Variants in EPS8L1 observed in about 807,000 individuals in gnomAD.
The protein encoded by EPS8L1 is epidermal growth factor receptor kinase substrate 8-like protein 1.
EPS8L1 carries 101 observed loss-of-function variants against 91.7 expected under a neutral mutation model. The ratio of observed to expected loss-of-function variants is 1.10; its 90% CI spans 0.94 to 1.30. The LOEUF is 1.30. Among genes scored for constraint, EPS8L1 ranks in the 50% most tolerant of loss-of-function variants. The pLI is 0.00. For missense variants in EPS8L1, 1,114 were observed against 1,017.0 expected, an observed-to-expected ratio of 1.10 and a Z score of -1.30; for synonymous variants, 506 against 445.3, an observed-to-expected ratio of 1.14 and a Z score of -1.72.
intron 4 of EPS8L1, 84 bp downstream of exon 4, chr19:55,079,141 C>A: frequency 7.1e-7 from 1 of 1,409,102 alleles, no homozygotes; most frequent in Non-Finnish European, 1.0e-6. Flanking sequence ...AGCAGCTAGG[C>A]CCCCAAGCAG....
intron 2 of EPS8L1, among the ~76,000 whole-genome samples, chr19:55,076,925 C>A (rs1197502287): frequency 6.6e-6 from 1 of 152,292 alleles, no homozygotes; most frequent in East Asian, 1.9e-4. Flanking sequence ...AGACTCAAGT[C>A]CCCCAGAGTA....
intron 6 of EPS8L1, 56 bp downstream of exon 6, chr19:55,080,334 C>T (rs2076227929): frequency 7.2e-7 from 1 of 1,385,850 alleles, no homozygotes; most frequent in East Asian, 3.3e-5. Context: ...AGCCTGGAGC[C>T]GGGGCGGAAA....
In EPS8L1 at chr19:55,083,783, T is replaced by C. The variant is rs1568794422; in HGVS notation, c.1385+139T>C. ...TCTTCTCAGGTGGGTGAGATGGTGA[T>C]GGGGCGGGCCGGGGCTGGGAGAGAG... On this transcript the variant is annotated intron_variant, in intron 14 of 19. Transcript: ENST00000201647. This position sits in a 1 kb window ranked among gnomAD's most constrained non-coding sequence, Gnocchi z 4.7. 3.9e-6 allele frequency: 1 copy of C among 254,334 alleles called. No homozygotes were observed. The highest frequency in any genetic ancestry group is 6.0e-6 in the Non-Finnish European group (1 of 167,478). The allele number at this position is 254,334 out of a possible 1,614,324, so 15.8% of individuals were successfully genotyped here. A position where few individuals can be genotyped will look rare whatever the true frequency, so the allele number is the denominator to read the frequency against.
intron 5 of EPS8L1, 126 bp downstream of exon 5, chr19:55,079,977 G>T: frequency 6.9e-7 from 1 of 1,444,874 alleles, no homozygotes; most frequent in South Asian, 1.4e-5. Flanking sequence ...CCCCCTTCTT[G>T]AGCCTTAATA....
chr19:55,085,504 A>G (rs767141657), intron 14 of EPS8L1, among the ~76,000 whole-genome samples: 11 of 152,116 alleles, frequency 7.2e-5, no homozygotes, highest in Non-Finnish European at 1.2e-4. Flanking sequence ...TATGATATAT[A>G]AAGCCCAGTG....
intron 17 of EPS8L1, 78 bp from the exon 18 acceptor site, chr19:55,086,636 C>CCCCCCCCCCCCCCCCCCGG: frequency 5.2e-6 from 5 of 956,942 alleles, no homozygotes; most frequent in Non-Finnish European, 7.1e-6. Context: ...CGCTGGAGCG[C>CCCCCCCCCCCCCCCCCCGG]CCCCCCGCCC....
chr19:55,086,801 G>A lies in EPS8L1; in HGVS notation c.1865G>A (p.Gly622Glu), dbSNP rs2076357394. The change falls in exon 18 of 20, where the codon GGG becomes GAG. Residue 622 changes from glycine to glutamate, a missense_variant. Coordinates refer to ENST00000201647, the MANE Select transcript of EPS8L1 (RefSeq NM_133180.3). The stretch of plus-strand genomic sequence containing the variant: ...TCGGGACCGAGCCGCGCAGTCCCAG[G>A]GCCCCGCGCCCCGGAACCGCAGCTC... ...GRSGPSRAVP[G>E]PRAPEPQLSP... 3 of 1,598,792 alleles carry A rather than the reference G, an allele frequency of 1.9e-6. No individual in the cohort carries two copies. Among genetic ancestry groups the A allele is most frequent in the Non-Finnish European group, 2.6e-6 (3 of 1,173,704 alleles).
chr19:55,087,076 G>C (rs1231568815), intron 18 of EPS8L1, 188 bp downstream of exon 18: 5 of 1,049,994 alleles, frequency 4.8e-6, no homozygotes, highest in Non-Finnish European at 6.6e-6. Context: ...TTCAGACTCC[G>C]ACTGGATTCC....
intron 2 of EPS8L1, among the ~76,000 whole-genome samples, chr19:55,077,001 C>T (rs1318000577): frequency 1.3e-5 from 2 of 152,026 alleles, no homozygotes; most frequent in Non-Finnish European, 2.9e-5. Context: ...GCTCTCTGGC[C>T]CAGAGGTAAT....
chr19:55,076,374 C>G (rs565103533), intron 1 of EPS8L1, 34 bp from the exon 2 acceptor site: 1 of 1,589,348 alleles, frequency 6.3e-7, no homozygotes. Flanking sequence ...GAGGCTCCTA[C>G]TGGCCAGGCC....
chr19:55,083,879 T>G lies in EPS8L1; in HGVS notation c.1385+235T>G. 36 of 663,490 alleles carry G rather than the reference T, an allele frequency of 5.4e-5. No homozygotes were observed. Among genetic ancestry groups the G allele is most frequent in the East Asian group, 1.4e-4 (5 of 36,454 alleles). The allele number at this position is 663,490 out of a possible 1,614,324, so 41.1% of individuals were successfully genotyped here. On this transcript the variant is annotated intron_variant, in intron 14 of 19. Transcript: ENST00000201647. This position sits in a 1 kb window ranked among gnomAD's most constrained non-coding sequence, Gnocchi z 4.7. ...AGGGAGTTGGGAATGGAGACCCGGA[T>G]TCCTGGGCCTAAGGGAGGAAGGGGG...
In EPS8L1 at chr19:55,087,289, C is replaced by T; in HGVS notation, c.1953-14C>T. 6.3e-7 allele frequency: 1 copy of T among 1,591,778 alleles called. No individual in the cohort carries two copies. ...GCCGACCGGCCTGACCGCGCCCGGG[C>T]TGCCCTCGCTCAGGACCGTGGACGC... On this transcript the variant is annotated splice_polypyrimidine_tract_variant and intron_variant, in intron 18 of 19. Coordinates refer to ENST00000201647, the MANE Select transcript of EPS8L1 (RefSeq NM_133180.3).
intron 4 of EPS8L1, among the ~76,000 whole-genome samples, chr19:55,079,427 A>T (rs2076206076): frequency 6.6e-6 from 1 of 152,150 alleles, no homozygotes; most frequent in Non-Finnish European, 1.5e-5. Context: ...GGCATTTAGA[A>T]GGAGAGAGCT....
At chr19:55,080,532 C>T in intron 6 of EPS8L1, 8 of 1,613,014 alleles carry the variant, frequency 5.0e-6, no homozygotes, top group Non-Finnish European at 6.8e-6. Flanking sequence ...GGGGGAGCAG[C>T]CAGGACGAGG....
In EPS8L1 at chr19:55,086,208, C is replaced by T. The variant is rs2076350772; in HGVS notation, c.1650+16C>T. The T allele has an allele frequency of 6.3e-7, 1 of 1,592,244 alleles. No homozygotes were observed. Among genetic ancestry groups the T allele is most frequent in the Non-Finnish European group, 8.6e-7 (1 of 1,168,644 alleles). ...CCGCAGCCTGGTGAGCCAGCGCAGA[C>T]GCTGGGATCTTGAGGGTGGAGAGGC... is the stretch of plus-strand genomic sequence containing the variant. On this transcript the variant is annotated intron_variant, in intron 16 of 19. Transcript: ENST00000201647.
At chr19:55,087,249 C>T (rs2076362405) in intron 18 of EPS8L1, 54 bp from the exon 19 acceptor site, 4 of 1,540,380 alleles carry the variant, frequency 2.6e-6, no homozygotes, top group Middle Eastern at 2.3e-4. Flanking sequence ...CATGATTGTC[C>T]GGGCTGGGGC....
At chr19:55,080,640 G>C in intron 6 of EPS8L1, 132 bp from the exon 7 acceptor site, 2 of 1,563,714 alleles carry the variant, frequency 1.3e-6, no homozygotes, top group Non-Finnish European at 1.7e-6. Flanking sequence ...GGGCGTGGAC[G>C]TGCGTGGGTT....
chr19:55,085,718 G>A (rs1199223266), intron 14 of EPS8L1, 123 bp from the exon 15 acceptor site: 13 of 1,121,906 alleles, frequency 1.2e-5, no homozygotes, highest in Non-Finnish European at 1.3e-5. Flanking sequence ...TCTATTAACA[G>A]TATTAACCCG....
In EPS8L1 at chr19:55,081,583, C is replaced by T. The variant is rs1413126578; in HGVS notation, c.774+91C>T. 7 of 1,365,414 alleles carry T rather than the reference C, an allele frequency of 5.1e-6. No individual in the cohort carries two copies. The highest frequency in any genetic ancestry group is 1.6e-5 in the African/African-American group (1 of 63,838). The allele number at this position is 1,365,414 out of a possible 1,614,324, so 84.6% of individuals were successfully genotyped here. ...AGGGCGGGGCCGGCTGCGGGACGGG[C>T]GTTCTCTGGTCAGACTTCTGCGTTA... On this transcript the variant is annotated intron_variant, in intron 8 of 19. Transcript: ENST00000201647. The surrounding 1 kb of genome is among the most constrained non-coding windows in gnomAD (Gnocchi z 4.9).
Sources: gnomAD v4.1 joint callset for allele counts (sites outside exome capture counted in the v4.1 genomes callset) on GRCh38, gnomAD v4.1.1 for gene constraint, Gnocchi (gnomAD v3.1) non-coding constraint, MANE v1.5 for transcripts, NCBI Gene and HGNC (gene_info 2026-07-23, HGNC 2026-07-21) for gene names.